SLC39A11: variants seen among roughly 807,000 people sequenced by gnomAD.
SLC39A11 encodes zinc transporter ZIP11.
SLC39A11 carries 33 observed loss-of-function variants against 36.1 expected under a neutral mutation model. That is an observed-to-expected ratio of 0.91 (90% CI 0.69 to 1.22). The LOEUF is 1.22. Among genes scored for constraint, SLC39A11 ranks in the 50% most tolerant of loss-of-function variants. The pLI is 0.00. For missense variants in SLC39A11, 432 were observed against 430.3 expected, an observed-to-expected ratio of 1.00 and a Z score of -0.03; for synonymous variants, 166 against 170.3, an observed-to-expected ratio of 0.97 and a Z score of 0.20.
At chr17:72,983,820 A>G (rs1331082786) in intron 4 of SLC39A11, among the ~76,000 whole-genome samples, 1 of 152,172 alleles carries the variant, frequency 6.6e-6, no homozygotes, top group African/African-American at 2.4e-5. Flanking sequence ...GGAAGAAAAG[A>G]GGGGTTGCTG....
intron 4 of SLC39A11, among the ~76,000 whole-genome samples, chr17:72,969,810 T>A (rs904419554): frequency 3.9e-5 from 6 of 152,148 alleles, no homozygotes; most frequent in African/African-American, 1.4e-4. Context: ...CTCTTTAATA[T>A]TTAAAAAAAA....
At chr17:72,788,554 C>A (rs2076593648) in intron 6 of SLC39A11, among the ~76,000 whole-genome samples, 1 of 152,232 alleles carries the variant, frequency 6.6e-6, no homozygotes, top group Non-Finnish European at 1.5e-5. Context: ...TTCCTCAAAA[C>A]CCACCTTTTG....
chr17:72,993,535 T>C (rs1365382137), intron 4 of SLC39A11, among the ~76,000 whole-genome samples: 1 of 152,220 alleles, frequency 6.6e-6, no homozygotes, highest in African/African-American at 2.4e-5. Context: ...GGGTATATGG[T>C]AGATTACAAT....
At chr17:72,802,404 G>C (rs974845866) in intron 6 of SLC39A11, among the ~76,000 whole-genome samples, 5 of 151,876 alleles carry the variant, frequency 3.3e-5, no homozygotes, top group Admixed American at 2.6e-4. Flanking sequence ...AGCCTGACCA[G>C]CGTGGTGAAA....
intron 6 of SLC39A11, among the ~76,000 whole-genome samples, chr17:72,844,334 C>T (rs1160532831): frequency 6.6e-6 from 1 of 152,070 alleles, no homozygotes; most frequent in African/African-American, 2.4e-5. Flanking sequence ...GTAGTTAGAC[C>T]CTTGGTGGCT....
At chr17:72,708,660 C>T (rs913663174) in intron 7 of SLC39A11, among the ~76,000 whole-genome samples, 5 of 152,242 alleles carry the variant, frequency 3.3e-5, no homozygotes, top group African/African-American at 1.2e-4. Flanking sequence ...CATTCTTCTA[C>T]AATCTCTCTG....
chr17:72,955,985 A>G (rs2086229083), intron 4 of SLC39A11, among the ~76,000 whole-genome samples: 1 of 152,118 alleles, frequency 6.6e-6, no homozygotes, highest in African/African-American at 2.4e-5. Flanking sequence ...GAGGACGGGT[A>G]GATACCTATC....
At chr17:72,772,620 G>C (rs1176153021) in intron 6 of SLC39A11, among the ~76,000 whole-genome samples, 1 of 152,190 alleles carries the variant, frequency 6.6e-6, no homozygotes, top group Non-Finnish European at 1.5e-5. Context: ...GGAGGTATAG[G>C]CTTCCTGTAG....
chr17:72,662,814 GAGAA>G (rs999127672), intron 7 of SLC39A11, among the ~76,000 whole-genome samples: 9 of 151,976 alleles, frequency 5.9e-5, no homozygotes, highest in East Asian at 5.8e-4. Flanking sequence ...AGAAGAAAGA[GAGAA>G]AGAAAGAGAA....
chr17:72,975,558 C>T lies in SLC39A11; in HGVS notation c.307-27683G>A, dbSNP rs545864716. ...TGCCCTCTATGAACCAGAAAGTGAG[C>T]TTTTCACAGACACAAATCTGCTGCT... On this transcript the variant is annotated intron_variant, in intron 4 of 9. Transcript: ENST00000255559. 5.3e-5 allele frequency among the ~76,000 whole-genome samples: 8 copies of T among 152,344 alleles called. No individual in the cohort carries two copies. The East Asian group carries it at 1.3e-3, about 26-fold the overall frequency.
intron 3 of SLC39A11, among the ~76,000 whole-genome samples, chr17:73,047,027 ATTTTTTTT>A (rs367548823): frequency 4.3e-5 from 6 of 138,014 alleles, no homozygotes; most frequent in Admixed American, 7.2e-5. Context: ...TATTTTATTT[ATTTTTTTT>A]TTTTTTTGAG....
intron 6 of SLC39A11, among the ~76,000 whole-genome samples, chr17:72,792,602 C>T (rs2714017): frequency 0.59 from 89,289 of 152,026 alleles, 27,428 homozygotes; most frequent in Non-Finnish European, 0.7. Context: ...CCAGAGTCCA[C>T]GCTCTAGTTT....
chr17:73,089,881 T>C (rs1199771525), intron 1 of SLC39A11: 1 of 152,190 alleles, frequency 6.6e-6, no homozygotes, highest in Non-Finnish European at 1.5e-5. Context: ...CTCCAGACTT[T>C]AACATGCTTA....
chr17:72,716,992 TACACACACACACACACACAC>T (rs367641582), intron 7 of SLC39A11, among the ~76,000 whole-genome samples: 35 of 126,446 alleles, frequency 2.8e-4, no homozygotes, highest in African/African-American at 1.1e-3. Context: ...TATATATATA[TACACACACACACACACACAC>T]ACACACACAC....
chr17:73,070,897 C>G (rs957143970), intron 3 of SLC39A11, among the ~76,000 whole-genome samples: 15 of 152,138 alleles, frequency 9.9e-5, no homozygotes, highest in African/African-American at 3.6e-4. Context: ...CATTACATCT[C>G]TTTTGTAAAT....
At position 73,064,436 on chromosome 17, in the gene SLC39A11, A is replaced by G. The variant is rs1232015804; in HGVS notation, c.147+20372T>C. 1.8e-4 allele frequency among the ~76,000 whole-genome samples: 28 copies of G among 152,180 alleles called. 1 individual carries two copies. The highest frequency in any genetic ancestry group is 1.8e-3 in the Admixed American group (28 of 15,286). The stretch of plus-strand genomic sequence containing the variant: ...CCTCCCACCATTTGCACAAAATGGG[A>G]GGGAAAGGATTTCAGTCTCTGTGGA... On this transcript the variant is annotated intron_variant, in intron 3 of 9. Transcript: ENST00000255559.
At chr17:72,805,145 G>T (rs918581697) in intron 6 of SLC39A11, among the ~76,000 whole-genome samples, 4 of 152,172 alleles carry the variant, frequency 2.6e-5, no homozygotes, top group African/African-American at 9.7e-5. Flanking sequence ...TCCTGTGTGT[G>T]TAAATATTTT....
At chr17:73,087,672 G>A (rs1044494656) in intron 2 of SLC39A11, among the ~76,000 whole-genome samples, 13 of 152,096 alleles carry the variant, frequency 8.5e-5, no homozygotes, top group African/African-American at 2.7e-4. Context: ...TAGGTAGAGC[G>A]TGTAGAAGGG....
chr17:72,702,425 A>T (rs2143072548), intron 7 of SLC39A11, among the ~76,000 whole-genome samples: 1 of 152,268 alleles, frequency 6.6e-6, no homozygotes, highest in East Asian at 1.9e-4. Context: ...GAAGGCATCT[A>T]GTGGGAAGAG....
Sources: gnomAD v4.1 joint callset for allele counts (sites outside exome capture counted in the v4.1 genomes callset) on GRCh38, gnomAD v4.1.1 for gene constraint, MANE v1.5 for transcripts, NCBI Gene and HGNC (gene_info 2026-07-23, HGNC 2026-07-21) for gene names.